Variants in PRKCI observed in about 807,000 individuals in gnomAD.
The protein encoded by PRKCI is protein kinase C iota, also known as protein kinase C iota type.
PRKCI carries 43 observed loss-of-function variants against 84.0 expected under a neutral mutation model. The observed-to-expected ratio is 0.51, with a 90% CI of 0.40 to 0.66. The LOEUF is 0.66. Ranked by LOEUF, PRKCI falls within the 30% of genes least tolerant of loss-of-function variation. The probability of loss-of-function intolerance (pLI) is 0.00; values close to 1 mark genes in which losing one functional copy is unlikely to be tolerated. For synonymous variants in PRKCI, 216 were observed against 234.4 expected (o/e 0.92, Z 0.72); for missense variants, 459 against 745.6 (o/e 0.62, Z 4.48).
intron 1 of PRKCI, among the ~76,000 whole-genome samples, chr3:170,234,329 C>T (rs1732887990): frequency 3.3e-5 from 5 of 152,110 alleles, no homozygotes; most frequent in Admixed American, 2.0e-4. Context: ...CCACGCCCAG[C>T]CTTATACTTA....
intron 1 of PRKCI, 143 bp from the exon 2 acceptor site, chr3:170,235,087 G>C (rs1243528428): frequency 4.4e-5 from 39 of 881,396 alleles, no homozygotes; most frequent in Admixed American, 7.8e-5. Context: ...ATTTTTACTT[G>C]AATGAAATCA....
At chr3:170,238,714 C>G (rs1733046058) in intron 2 of PRKCI, among the ~76,000 whole-genome samples, 1 of 151,708 alleles carries the variant, frequency 6.6e-6, no homozygotes, top group Non-Finnish European at 1.5e-5. Context: ...GCCCCAGCCT[C>G]CTGAGTAGCT....
intron 7 of PRKCI, among the ~76,000 whole-genome samples, chr3:170,273,578 G>C (rs1047928140): frequency 6.6e-6 from 1 of 152,022 alleles, no homozygotes; most frequent in Non-Finnish European, 1.5e-5. Context: ...ACTTTGGGAG[G>C]CTGAGGCAGG....
chr3:170,270,660 A>G, intron 6 of PRKCI, 99 bp downstream of exon 6: 1 of 1,348,984 alleles, frequency 7.4e-7, no homozygotes, highest in South Asian at 1.6e-5. Flanking sequence ...CAGGAATTAC[A>G]GCACAACAGA....
chr3:170,255,055 CTTTT>C (rs34437904), intron 2 of PRKCI, among the ~76,000 whole-genome samples: 151 of 38,870 alleles, frequency 3.9e-3, no homozygotes, highest in African/African-American at 0.017. Context: ...AGATCTTTCA[CTTTT>C]TTTTTTTTTT....
intron 9 of PRKCI, 95 bp from the exon 10 acceptor site, chr3:170,281,071 A>T: frequency 1.0e-6 from 1 of 953,654 alleles, no homozygotes; most frequent in Non-Finnish European, 1.6e-6. Context: ...TAGCCTAGTT[A>T]ACCATTGCAT....
intron 11 of PRKCI, among the ~76,000 whole-genome samples, chr3:170,283,328 A>G (rs1212484737): frequency 6.6e-6 from 1 of 152,224 alleles, no homozygotes; most frequent in Non-Finnish European, 1.5e-5. Flanking sequence ...AAAATGAAGC[A>G]TGTGAGTTTG....
intron 3 of PRKCI, 125 bp downstream of exon 3, chr3:170,260,183 TAATTGTCG>T: frequency 1.7e-6 from 1 of 590,626 alleles, no homozygotes; most frequent in Non-Finnish European, 2.9e-6. Flanking sequence ...CATGCCTAAG[TAATTGTCG>T]TTATTTAGTA....
At chr3:170,243,848 G>A (rs16854918) in intron 2 of PRKCI, among the ~76,000 whole-genome samples, 2,335 of 152,234 alleles carry the variant, frequency 0.015, 57 homozygotes, top group African/African-American at 0.054. Context: ...TTCTTCAGAC[G>A]GACCTTATGC....
At chr3:170,250,442 C>A (rs1021823999) in intron 2 of PRKCI, among the ~76,000 whole-genome samples, 3 of 109,712 alleles carry the variant, frequency 2.7e-5, no homozygotes, top group Admixed American at 9.3e-5. Context: ...ACCCCCCCCC[C>A]CCAAAAAAAA....
At chr3:170,234,598 T>G (rs1014708417) in intron 1 of PRKCI, among the ~76,000 whole-genome samples, 1 of 152,218 alleles carries the variant, frequency 6.6e-6, no homozygotes. Flanking sequence ...ATTTTCTTCT[T>G]CTAATTTAAT....
chr3:170,251,097 A>G (rs1733433251), intron 2 of PRKCI, among the ~76,000 whole-genome samples: 1 of 152,226 alleles, frequency 6.6e-6, no homozygotes, highest in Non-Finnish European at 1.5e-5. Context: ...AAAAAAATCT[A>G]GTAATAAACC....
intron 2 of PRKCI, among the ~76,000 whole-genome samples, chr3:170,255,652 T>C (rs951633026): frequency 2.8e-4 from 42 of 152,196 alleles, no homozygotes; most frequent in Non-Finnish European, 5.4e-4. Flanking sequence ...TTTATTTCTT[T>C]CTCTTGTCTC....
intron 10 of PRKCI, 186 bp downstream of exon 10, chr3:170,281,449 A>C: frequency 1.8e-6 from 1 of 553,192 alleles, no homozygotes; most frequent in Non-Finnish European, 3.2e-6. Context: ...CAGCATTAGG[A>C]AATGACCTAC....
intron 12 of PRKCI, 26 bp from the exon 13 acceptor site, chr3:170,291,828 T>C (rs964285135): frequency 6.5e-7 from 1 of 1,547,758 alleles, no homozygotes; most frequent in Non-Finnish European, 8.9e-7. Flanking sequence ...TATCTCATTC[T>C]TTCTTTCTGT....
At chr3:170,259,547 G>A (rs112070324) in intron 2 of PRKCI, among the ~76,000 whole-genome samples, 7,066 of 152,142 alleles carry the variant, frequency 0.046, 530 homozygotes, top group African/African-American at 0.16. Context: ...GGTGCTTCAC[G>A]CCTATAATCC....
Position 170,284,557 on chromosome 3 carries a change from T to C in PRKCI, c.1164T>C (p.Ser388=), listed in dbSNP as rs2108860917. Residue 388 remains serine (S), a synonymous_variant, in exon 12 of 18, where the codon TCT becomes TCC. Coordinates refer to ENST00000295797, the MANE Select transcript of PRKCI (RefSeq NM_002740.6). The part of the protein sequence containing the change: ...DLKLDNVLLD[S]EGHIKLTDYG... ...AACTGGACAATGTATTACTGGACTC[T>C]GAAGGCCACATTAAACTCACTGACT... 6.2e-7 allele frequency: 1 copy of C among 1,613,064 alleles called. No homozygotes were observed. Among genetic ancestry groups the C allele is most frequent in the East Asian group, 2.2e-5 (1 of 44,782 alleles).
chr3:170,230,964 T>G (rs1393478771), intron 1 of PRKCI, among the ~76,000 whole-genome samples: 1 of 122,344 alleles, frequency 8.2e-6, no homozygotes, highest in African/African-American at 2.7e-5. Flanking sequence ...TTTTTTTTTG[T>G]TTTTTTTTTT....
chr3:170,279,228 G>A (rs924221050), intron 8 of PRKCI, among the ~76,000 whole-genome samples: 8 of 151,938 alleles, frequency 5.3e-5, no homozygotes, highest in African/African-American at 1.9e-4. Flanking sequence ...GAGGTTTCTT[G>A]GCACATTGCC....
Sources: allele counts gnomAD v4.1 joint callset (sites outside exome capture counted in the v4.1 genomes callset), GRCh38; gene constraint gnomAD v4.1.1; transcripts MANE v1.5; gene names NCBI Gene and HGNC (gene_info 2026-07-23, HGNC 2026-07-21).